RNF135: variants seen among roughly 807,000 people sequenced by gnomAD.
The protein encoded by RNF135 is E3 ubiquitin-protein ligase RNF135.
RNF135 carries 46 observed loss-of-function variants against 41.9 expected under a neutral mutation model. That is an observed-to-expected ratio of 1.10 (90% CI 0.87 to 1.40). The LOEUF is 1.40. RNF135 is among the 40% of genes most tolerant of loss of function. The pLI is 0.00. For synonymous variants in RNF135, 238 were observed against 223.8 expected (o/e 1.06, Z -0.57); for missense variants, 539 against 549.8 (o/e 0.98, Z 0.20).
At chr17:30,961,312 T>C in the RNF135 span, among the ~76,000 whole-genome samples, 2 of 152,318 alleles carry the variant, frequency 1.3e-5, no homozygotes, top group East Asian at 3.9e-4. Flanking sequence ...ACAGCAATCA[T>C]GCTGACCATT....
chr17:30,988,084 G>A lies in RNF135; in HGVS notation c.657G>A (p.Glu219=). The change falls in exon 3 of 5, where the codon GAG becomes GAA. Residue 219 remains glutamate, a synonymous_variant. Transcript: ENST00000328381. ...TACAAGAAAGCGTCACCTGGAAAGAGGCTCCTGAAGCACAAATGCAGGGTG... is the reference window on the plus strand; with the variant it reads ...TACAAGAAAGCGTCACCTGGAAAGAAGCTCCTGAAGCACAAATGCAGGGTG... The part of the protein sequence containing the change: ...EKLQESVTWK[E]APEAQMQGEL... 1.2e-6 allele frequency: 2 copies of A among 1,614,046 alleles called. No individual in the cohort carries two copies. The highest frequency in any genetic ancestry group is 2.2e-5 in the East Asian group (1 of 44,880).
the RNF135 span, among the ~76,000 whole-genome samples, chr17:30,961,129 T>C: frequency 6.6e-6 from 1 of 152,210 alleles, no homozygotes; most frequent in Non-Finnish European, 1.5e-5. Flanking sequence ...CTTTCCTTAT[T>C]GCTAAGAAGT....
intron 3 of RNF135, chr17:30,993,961 A>G (rs1263987629): frequency 3.7e-5 from 19 of 509,108 alleles, no homozygotes; most frequent in African/African-American, 6.0e-5. Context: ...GTGCCACCAC[A>G]CTCAGCTAAT....
At chr17:30,982,602 T>C (rs1907234918) in intron 1 of RNF135, among the ~76,000 whole-genome samples, 1 of 152,174 alleles carries the variant, frequency 6.6e-6, no homozygotes, top group Non-Finnish European at 1.5e-5. Flanking sequence ...TTGGTTCTTA[T>C]GAAGGTGCTT....
At chr17:30,975,740 C>CTGG in intron 1 of RNF135, 1 of 1,320,038 alleles carries the variant, frequency 7.6e-7, no homozygotes, top group Admixed American at 1.7e-5. Flanking sequence ...CCTGATTGGC[C>CTGG]TGGTGTACAT....
the RNF135 span, among the ~76,000 whole-genome samples, chr17:30,962,376 C>G: frequency 6.6e-6 from 1 of 152,168 alleles, no homozygotes; most frequent in Non-Finnish European, 1.5e-5. Flanking sequence ...TCATGATCCA[C>G]CCACTTCGGC....
chr17:30,992,379 T>C (rs1908047905), intron 3 of RNF135, among the ~76,000 whole-genome samples: 1 of 152,066 alleles, frequency 6.6e-6, no homozygotes, highest in Admixed American at 6.6e-5. Context: ...CAATTTTTTT[T>C]TTTTTTTTTA....
In RNF135 at chr17:30,983,320, CATATATAT is replaced by C. The variant is rs1189144519; in HGVS notation, c.373-1270_373-1263del. On this transcript the variant is annotated intron_variant, in intron 1 of 4. Transcript: ENST00000328381. ...TGGTAATTCTAATTACATATATGTACATATATATATATATATATATATATATATATATA... is the reference window on the plus strand; with the variant it reads ...TGGTAATTCTAATTACATATATGTACATATATATATATATATATATATATA... Among the ~76,000 whole-genome samples, 250 of 37,054 alleles carry C rather than the reference CATATATAT, an allele frequency of 6.7e-3. 6 individuals carry two copies. Among genetic ancestry groups the C allele is most frequent in the Middle Eastern group, 0.025 (1 of 40 alleles). The allele number at this position is 37,054 out of a possible 152,430, so 24.3% of individuals were successfully genotyped here.
chr17:30,966,558 G>A (rs937978700), upstream of RNF135, among the ~76,000 whole-genome samples: 3 of 150,682 alleles, frequency 2.0e-5, no homozygotes, highest in African/African-American at 4.9e-5. Context: ...GCAGTGGCGC[G>A]ATCTTGGCTC....
intron 1 of RNF135, among the ~76,000 whole-genome samples, chr17:30,980,821 C>T (rs1234412243): frequency 1.3e-5 from 2 of 150,130 alleles, no homozygotes; most frequent in Non-Finnish European, 3.0e-5. Context: ...GGGGAAGAGG[C>T]GCTCCTCGCT....
the RNF135 span, among the ~76,000 whole-genome samples, chr17:30,964,686 T>C: frequency 6.6e-6 from 1 of 150,812 alleles, no homozygotes; most frequent in Non-Finnish European, 1.5e-5. Context: ...TCATTTCTTA[T>C]CTTTTTTTTT....
At chr17:30,962,482 T>A in the RNF135 span, among the ~76,000 whole-genome samples, 1 of 150,632 alleles carries the variant, frequency 6.6e-6, no homozygotes. Flanking sequence ...TTTGTTTTTT[T>A]TGAGATGGAG....
At chr17:30,967,961 G>A (rs923624944), upstream of RNF135, among the ~76,000 whole-genome samples, 1 of 151,806 alleles carries the variant, frequency 6.6e-6, no homozygotes. Flanking sequence ...CACCGCACTC[G>A]GCCAAGAATG....
chr17:30,988,140 A>T, intron 3 of RNF135, 34 bp downstream of exon 3: 1 of 1,607,372 alleles, frequency 6.2e-7, no homozygotes, highest in Non-Finnish European at 8.5e-7. Context: ...GGAGGATTAA[A>T]TATGGAAGTT....
chr17:30,972,510 TAAA>T (rs1285817691), intron 1 of RNF135: 1 of 152,200 alleles, frequency 6.6e-6, no homozygotes, highest in African/African-American at 2.4e-5. Context: ...TTCATCATCA[TAAA>T]CAGAAACTTT....
At chr17:30,987,601 A>G (rs1232650880) in intron 2 of RNF135, among the ~76,000 whole-genome samples, 2 of 152,220 alleles carry the variant, frequency 1.3e-5, no homozygotes, top group African/African-American at 4.8e-5. Flanking sequence ...TAAAGCCCCT[A>G]TAAGATGCGC....
chr17:30,983,317 G>GTATGTATATATA (rs1234232549), intron 1 of RNF135, among the ~76,000 whole-genome samples: 5 of 24,840 alleles, frequency 2.0e-4, no homozygotes, highest in Non-Finnish European at 3.1e-4. Flanking sequence ...TTACATATAT[G>GTATGTATATATA]TACATATATA....
chr17:30,971,779 T>G, intron 1 of RNF135: 1 of 1,071,802 alleles, frequency 9.3e-7, no homozygotes, highest in Non-Finnish European at 1.2e-6. Context: ...ACTGGCCATT[T>G]TAACCTTTTT....
rs140834126 is a variant in RNF135 at position 30,984,740 on chromosome 17, G to A, written c.496G>A (p.Glu166Lys). ...CCTATCAGAATCTGGACCAGACAACGAACTGAGCATCCTGGGCAAGGTAGG... is the reference window on the plus strand; with the variant it reads ...CCTATCAGAATCTGGACCAGACAACAAACTGAGCATCCTGGGCAAGGTAGG... ...RPLSESGPDN[E>K]LSILGKAFSS... The change falls in exon 2 of 5, where the codon GAA becomes AAA. Residue 166 changes from glutamate (E) to lysine (K), a missense_variant. Around this residue, in one of 2 missense-constraint regions of RNF135, gnomAD observed 262 missense variants for 336.9 expected, o/e 0.78. Coordinates refer to ENST00000328381, the MANE Select transcript of RNF135 (RefSeq NM_032322.4). 8.5e-5 allele frequency: 138 copies of A among 1,614,048 alleles called. 1 individual carries two copies. The highest frequency in any genetic ancestry group is 1.6e-4 in the Middle Eastern group (1 of 6,084).
Sources: gnomAD v4.1 joint callset for allele counts (sites outside exome capture counted in the v4.1 genomes callset) on GRCh38, gnomAD v4.1.1 for gene constraint, gnomAD v4.1.1 regional missense constraint, MANE v1.5 for transcripts, NCBI Gene and HGNC (gene_info 2026-07-23, HGNC 2026-07-21) for gene names.